Variants in ABL1 observed in about 807,000 individuals in gnomAD.
The protein encoded by ABL1 is ABL proto-oncogene 1, non-receptor tyrosine kinase, also known as tyrosine-protein kinase ABL1.
Under a neutral mutation model 94.7 loss-of-function variants are expected in ABL1, and 11 were observed. The observed-to-expected ratio is 0.12, with a 90% CI of 0.07 to 0.19. The LOEUF is 0.19. Ranked by LOEUF, ABL1 falls within the 10% of genes least tolerant of loss-of-function variation. The pLI is 1.00. For missense variants in ABL1, 1,082 were observed against 1,489.4 expected, an observed-to-expected ratio of 0.73 and a Z score of 4.50; for synonymous variants, 656 against 622.4, an observed-to-expected ratio of 1.05 and a Z score of -0.80.
At chr9:130,784,109 ATT>A (rs923424009) in intron 1 of ABL1, among the ~76,000 whole-genome samples, 1 of 136,798 alleles carries the variant, frequency 7.3e-6, no homozygotes, top group Admixed American at 7.2e-5. Context: ...ATTATTTCTC[ATT>A]TTTAAAAAAA....
intron 3 of ABL1, among the ~76,000 whole-genome samples, chr9:130,859,886 G>A (rs150763548): frequency 7.2e-4 from 109 of 151,848 alleles, no homozygotes; most frequent in Middle Eastern, 3.4e-3. Flanking sequence ...TCACCATGTT[G>A]GCCAGGCTGG....
chr9:130,862,000 C>CT (rs1588272180), intron 3 of ABL1, among the ~76,000 whole-genome samples: 1 of 152,238 alleles, frequency 6.6e-6, no homozygotes, highest in African/African-American at 2.4e-5. Context: ...TCCTCACCTG[C>CT]TGTAGCTCTC....
Position 130,817,886 on chromosome 9 carries a change from A to G in ABL1, c.137-36178A>G, listed in dbSNP as rs962602974. The stretch of plus-strand genomic sequence containing the variant: ...GTTTCCAGTTTTTTTGTGATTATGA[A>G]TAAAGCCACTGTAAGCATTCACATA... On this transcript the variant is annotated intron_variant, in intron 1 of 10. Transcript: ENST00000372348. 7.9e-5 allele frequency among the ~76,000 whole-genome samples: 12 copies of G among 152,174 alleles called. No homozygotes were observed. The South Asian group carries it at 2.3e-3, about 29-fold the overall frequency.
chr9:130,755,073 AC>A (rs1564280608), intron 1 of ABL1, among the ~76,000 whole-genome samples: 1 of 152,228 alleles, frequency 6.6e-6, no homozygotes, highest in African/African-American at 2.4e-5. Context: ...TGAAAGCTCC[AC>A]AAAAGTGTCC....
chr9:130,830,340 A>G (rs1830479595), upstream of ABL1, among the ~76,000 whole-genome samples: 1 of 152,212 alleles, frequency 6.6e-6, no homozygotes, highest in African/African-American at 2.4e-5. Context: ...TTTGAAGGAC[A>G]GTCATCTGTG....
rs757633849 is a variant in ABL1, at chr9:130,884,542, C to T, written c.2252C>T (p.Thr751Ile). 5.6e-6 allele frequency: 9 copies of T among 1,613,240 alleles called. No homozygotes were observed. Among genetic ancestry groups the T allele is most frequent in the South Asian group, 2.2e-5 (2 of 91,088 alleles). ...ACGGGAAGACAGTTTGACTCGTCCA[C>T]ATTTGGAGGGCACAAAAGTGAGAAG... The part of the protein sequence containing the change: ...QSTGRQFDSS[T>I]FGGHKSEKPA... The change falls in exon 11 of 11, where the codon ACA becomes ATA. Residue 751 changes from threonine to isoleucine, a missense_variant. Transcript: ENST00000318560. The surrounding 1 kb of genome is among the most constrained non-coding windows in gnomAD (Gnocchi z 5.6).
At chr9:130,809,866 C>T (rs1830183590) in intron 1 of ABL1, among the ~76,000 whole-genome samples, 1 of 152,186 alleles carries the variant, frequency 6.6e-6, no homozygotes, top group African/African-American at 2.4e-5. Context: ...AGTCTTGCCT[C>T]AATAGTTGGG....
chr9:130,742,269 G>A (rs1258588755), intron 1 of ABL1, among the ~76,000 whole-genome samples: 7 of 152,148 alleles, frequency 4.6e-5, no homozygotes, highest in African/African-American at 7.2e-5. Context: ...AGATGCACAC[G>A]TAGCTTTTCG....
Position 130,872,979 on chromosome 9 carries a change from A to C in ABL1, c.1027A>C (p.Met343Leu). 1 of 1,614,154 alleles carries C rather than the reference A, an allele frequency of 6.2e-7. No individual in the cohort carries two copies. Among genetic ancestry groups the C allele is most frequent in the Non-Finnish European group, 8.5e-7 (1 of 1,180,034 alleles). The change falls in exon 6 of 11, where the codon ATG becomes CTG. Residue 343 changes from methionine (M) to leucine (L), a missense_variant. Coordinates refer to ENST00000318560, the MANE Select transcript of ABL1 (RefSeq NM_005157.6). This position sits in a 1 kb window ranked among gnomAD's most constrained non-coding sequence, Gnocchi z 5.0. ...QEVNAVVLLY[M>L]ATQISSAMEY... ...GGTGAACGCCGTGGTGCTGCTGTACATGGCCACTCAGATCTCGTCAGCCAT... is the reference window on the plus strand; with the variant it reads ...GGTGAACGCCGTGGTGCTGCTGTACCTGGCCACTCAGATCTCGTCAGCCAT...
chr9:130,762,941 A>T (rs1363528366), intron 1 of ABL1, among the ~76,000 whole-genome samples: 3 of 151,800 alleles, frequency 2.0e-5, no homozygotes, highest in Admixed American at 1.3e-4. Context: ...AGGAAACCTG[A>T]ATAGTCTTTC....
intron 1 of ABL1, among the ~76,000 whole-genome samples, chr9:130,718,644 C>T (rs1294270053): frequency 6.6e-6 from 1 of 151,746 alleles, no homozygotes; most frequent in Non-Finnish European, 1.5e-5. Flanking sequence ...CTTTGGGAGG[C>T]CAAAGGCAGG....
chr9:130,850,125 A>C (rs148821949), intron 1 of ABL1, among the ~76,000 whole-genome samples: 3 of 152,228 alleles, frequency 2.0e-5, no homozygotes, highest in African/African-American at 7.2e-5. Context: ...GTTCCTGTCC[A>C]CAAGAGCCAG....
Position 130,884,942 on chromosome 9 carries a change from G to A in ABL1, c.2652G>A (p.Ser884=), listed in dbSNP as rs779308508. The change falls in exon 11 of 11, where the codon TCG becomes TCA. Residue 884 remains serine, a synonymous_variant. Transcript: ENST00000318560. The surrounding 1 kb of genome is among the most constrained non-coding windows in gnomAD (Gnocchi z 5.6). The part of the protein sequence containing the change: ...RVRRHKHSSE[S]PGRDKGKLSR... ...GGAGGCACAAGCACTCCTCTGAGTCGCCAGGGAGGGACAAGGGGAAATTGT... is the reference window on the plus strand; with the variant it reads ...GGAGGCACAAGCACTCCTCTGAGTCACCAGGGAGGGACAAGGGGAAATTGT... 25 of 1,611,304 alleles carry A rather than the reference G, an allele frequency of 1.6e-5. No individual in the cohort carries two copies. The highest frequency in any genetic ancestry group is 1.9e-5 in the Non-Finnish European group (23 of 1,179,574).
intron 1 of ABL1, among the ~76,000 whole-genome samples, chr9:130,822,453 T>TC (rs1466741173): frequency 6.7e-6 from 1 of 149,510 alleles, no homozygotes; most frequent in East Asian, 1.9e-4. Flanking sequence ...TTTTTTTTTT[T>TC]TTTTTTTTTT....
At chr9:130,769,765 T>G (rs1481855978) in intron 1 of ABL1, among the ~76,000 whole-genome samples, 1 of 152,196 alleles carries the variant, frequency 6.6e-6, no homozygotes, top group Non-Finnish European at 1.5e-5. Flanking sequence ...CATACACTTG[T>G]GAAATTGCCA....
upstream of ABL1, among the ~76,000 whole-genome samples, chr9:130,833,844 C>T (rs1022220344): frequency 1.3e-5 from 2 of 152,134 alleles, no homozygotes; most frequent in African/African-American, 2.4e-5. Context: ...TGAAGATACC[C>T]GGGTTTTTGT....
rs1831267864 is a variant in ABL1, at chr9:130,872,443, T to A, written c.907+230T>A. Among the ~76,000 whole-genome samples, 1 of 152,250 alleles carries A rather than the reference T, an allele frequency of 6.6e-6. No individual in the cohort carries two copies. The highest frequency in any genetic ancestry group is 1.5e-5 in the Non-Finnish European group (1 of 68,052). On this transcript the variant is annotated intron_variant, in intron 5 of 10. Coordinates refer to ENST00000318560, the MANE Select transcript of ABL1 (RefSeq NM_005157.6). This position sits in a 1 kb window ranked among gnomAD's most constrained non-coding sequence, Gnocchi z 5.0. ...GGAGAATGTGATTATTTTAAGTGGA[T>A]ACCTAAAAGCAGTCAAATGCAAATC...
intron 1 of ABL1, among the ~76,000 whole-genome samples, chr9:130,810,415 G>A (rs1418117270): frequency 1.3e-5 from 2 of 152,142 alleles, no homozygotes; most frequent in Admixed American, 1.3e-4. Context: ...AGAATCACTT[G>A]AACCTGGGAG....
At chr9:130,831,311 TGA>T (rs552299963), upstream of ABL1, among the ~76,000 whole-genome samples, 72 of 152,278 alleles carry the variant, frequency 4.7e-4, 1 homozygote, top group South Asian at 3.7e-3. Context: ...GTCTTGCTGC[TGA>T]GAGATGGAGC....
Sources: allele counts gnomAD v4.1 joint callset (sites outside exome capture counted in the v4.1 genomes callset), GRCh38; gene constraint gnomAD v4.1.1; non-coding constraint Gnocchi (gnomAD v3.1); transcripts MANE v1.5; gene names NCBI Gene and HGNC (gene_info 2026-07-23, HGNC 2026-07-21).